DOCK9: variants seen among roughly 807,000 people sequenced by gnomAD.
DOCK9 encodes the protein dedicator of cytokinesis 9, also known as dedicator of cytokinesis protein 9.
A neutral mutation model predicts 263.3 loss-of-function variants in DOCK9; 89 were observed. That is an observed-to-expected ratio of 0.34 (90% CI 0.28 to 0.40). The LOEUF is 0.40. DOCK9 is among the 10% of genes least tolerant of loss of function. The pLI, the probability that DOCK9 is intolerant of heterozygous loss-of-function variation, is 1.00. For synonymous variants in DOCK9, 976 were observed against 973.1 expected, an observed-to-expected ratio of 1.00 and a Z score of -0.06; for missense variants, 2,140 against 2,603.4, an observed-to-expected ratio of 0.82 and a Z score of 3.87.
intron 21 of DOCK9, 40 bp from the exon 22 acceptor site, chr13:98,883,939 G>C: frequency 6.8e-7 from 1 of 1,459,896 alleles, no homozygotes. Context: ...CTACAGATTA[G>C]TTATTTTGGC....
At chr13:98,808,060 C>A (rs1490267675) in intron 47 of DOCK9, among the ~76,000 whole-genome samples, 1 of 152,136 alleles carries the variant, frequency 6.6e-6, no homozygotes, top group Non-Finnish European at 1.5e-5. Flanking sequence ...ATTTTGGATA[C>A]AAGACTAAGC....
In DOCK9 at chr13:98,822,407, G is replaced by T. The variant is rs57704032; in HGVS notation, c.5130+1991C>A. Among the ~76,000 whole-genome samples, 963 of 152,284 alleles carry T rather than the reference G, an allele frequency of 6.3e-3. 14 individuals are homozygous for T. The highest frequency in any genetic ancestry group is 0.023 in the African/African-American group (938 of 41,548). On this transcript the variant is annotated intron_variant, in intron 45 of 52. Coordinates refer to ENST00000682017, the MANE Select transcript of DOCK9 (RefSeq NM_001366683.2). ...TTCATTTTATCAGCTCTGCAGGATA[G>T]GTCACTAAAAATAGTCTACTTTCCA...
chr13:98,898,837 T>G (rs1216774716), intron 13 of DOCK9, among the ~76,000 whole-genome samples: 1 of 152,186 alleles, frequency 6.6e-6, no homozygotes, highest in Non-Finnish European at 1.5e-5. Flanking sequence ...TGATCAATTT[T>G]GGTTTGTTGT....
chr13:98,998,297 G>A (rs1881508376), intron 1 of DOCK9, among the ~76,000 whole-genome samples: 1 of 152,134 alleles, frequency 6.6e-6, no homozygotes, highest in Non-Finnish European at 1.5e-5. Flanking sequence ...GCCCCTGAAG[G>A]TAGGACCCAC....
chr13:99,015,912 G>C (rs1885339529), intron 1 of DOCK9: 1 of 413,278 alleles, frequency 2.4e-6, no homozygotes, highest in South Asian at 1.0e-4. Context: ...TAATACCAAA[G>C]AACAAATAAG....
At chr13:99,073,664 A>G (rs1312249078) in intron 1 of DOCK9, among the ~76,000 whole-genome samples, 1 of 152,170 alleles carries the variant, frequency 6.6e-6, no homozygotes, top group African/African-American at 2.4e-5. Context: ...CATTTGCACA[A>G]AACAGTAGAG....
chr13:99,017,121 C>A (rs1443317146), intron 1 of DOCK9, among the ~76,000 whole-genome samples: 2 of 152,174 alleles, frequency 1.3e-5, no homozygotes, highest in African/African-American at 4.8e-5. Context: ...ATGCAAAAAA[C>A]AGGATGACCC....
In DOCK9 at chr13:98,888,555, G is replaced by T. The variant is rs762991043; in HGVS notation, c.1790-8C>A. 1 of 1,613,326 alleles carries T rather than the reference G, an allele frequency of 6.2e-7. No individual in the cohort carries two copies. The highest frequency in any genetic ancestry group is 1.7e-5 in the Admixed American group (1 of 59,960). On this transcript the variant is annotated splice_region_variant and splice_polypyrimidine_tract_variant and intron_variant, in intron 16 of 52. Transcript: ENST00000682017. The stretch of plus-strand genomic sequence containing the variant: ...ATGATGAATTAACATAATCTGCAAA[G>T]ATATTCAAAATAACTCAAACTGAAG...
chr13:99,063,795 A>G (rs192097820), intron 1 of DOCK9, among the ~76,000 whole-genome samples: 1 of 152,160 alleles, frequency 6.6e-6, no homozygotes, highest in East Asian at 1.9e-4. Flanking sequence ...TCGATTTGTT[A>G]AAAGTTTCTA....
chr13:98,992,820 C>A (rs1366504401), intron 1 of DOCK9, among the ~76,000 whole-genome samples: 1 of 152,174 alleles, frequency 6.6e-6, no homozygotes, highest in Admixed American at 6.5e-5. Context: ...AGCTGAGAAT[C>A]CACAGCTCTC....
Position 98,800,250 on chromosome 13 carries a change from G to A in DOCK9, c.5916+38C>T, listed in dbSNP as rs1229095019. ...TCTCAAGTCACCCAGGGGCAAGGAC[G>A]TCCCCTGCTGCCCTCCGGCCTGCTG... On this transcript the variant is annotated intron_variant, in intron 50 of 52. Transcript: ENST00000682017. 6 of 1,539,894 alleles carry A rather than the reference G, an allele frequency of 3.9e-6. No individual in the cohort carries two copies. In the African/African-American group the frequency reaches 4.1e-5, roughly 10 times the overall value.
chr13:98,955,051 C>G (rs555032913), intron 2 of DOCK9, among the ~76,000 whole-genome samples: 21 of 152,212 alleles, frequency 1.4e-4, no homozygotes, highest in Non-Finnish European at 3.1e-4. Context: ...GGCACAGTGG[C>G]TCATGCCTAT....
intron 26 of DOCK9, 51 bp downstream of exon 26, chr13:98,880,496 A>G (rs1030708451): frequency 2.5e-6 from 4 of 1,611,504 alleles, no homozygotes; most frequent in Admixed American, 1.7e-5. Context: ...CTGTGGAGTG[A>G]ATTCCTGTTA....
intron 1 of DOCK9, chr13:99,015,755 C>T (rs1885311402): frequency 3.0e-6 from 4 of 1,325,406 alleles, no homozygotes; most frequent in Middle Eastern, 2.6e-4. Context: ...TCTGAGCTGC[C>T]GTACTAGAAT....
chr13:99,050,069 T>C (rs2040615064), intron 1 of DOCK9, among the ~76,000 whole-genome samples: 1 of 152,212 alleles, frequency 6.6e-6, no homozygotes, highest in African/African-American at 2.4e-5. Flanking sequence ...ATGGAGGATA[T>C]TTAGGTTTCA....
chr13:98,850,615 T>C (rs948411464), intron 35 of DOCK9, among the ~76,000 whole-genome samples: 4 of 152,258 alleles, frequency 2.6e-5, no homozygotes, highest in Non-Finnish European at 5.9e-5. Flanking sequence ...TCTATGTGGA[T>C]AGACCATAAT....
chr13:98,834,583 A>C (rs2092915587), intron 39 of DOCK9: 1 of 152,256 alleles, frequency 6.6e-6, no homozygotes, highest in Non-Finnish European at 1.5e-5. Flanking sequence ...TGCTAAAAAC[A>C]CATTTCCAGA....
In DOCK9 at chr13:98,870,334, TA is replaced by T. The variant is rs766276357; in HGVS notation, c.2944-1958del. Among the ~76,000 whole-genome samples the T allele has an allele frequency of 3.3e-5, 5 of 152,292 alleles. No individual in the cohort carries two copies. The South Asian group carries it at 6.2e-4, about 19-fold the overall frequency. The stretch of plus-strand genomic sequence containing the variant: ...ACAAAAATGTGAAGCTCACCAACTT[TA>T]AAAAACAGAATGGCAAAATGTGAAA... On this transcript the variant is annotated intron_variant, in intron 27 of 52. Transcript: ENST00000682017.
chr13:98,821,258 G>A (rs1222402820), intron 45 of DOCK9, among the ~76,000 whole-genome samples: 1 of 152,104 alleles, frequency 6.6e-6, no homozygotes, highest in Admixed American at 6.5e-5. Flanking sequence ...TAGGAGGCTG[G>A]GGGGCAGGAG....
Sources: gnomAD v4.1 joint callset for allele counts (sites outside exome capture counted in the v4.1 genomes callset) on GRCh38, gnomAD v4.1.1 for gene constraint, MANE v1.5 for transcripts, NCBI Gene and HGNC (gene_info 2026-07-23, HGNC 2026-07-21) for gene names.